SLC12A4: variants seen among roughly 807,000 people sequenced by gnomAD.
SLC12A4 encodes electroneutral potassium-chloride cotransporter 1.
Under a neutral mutation model 119.2 loss-of-function variants are expected in SLC12A4, and 84 were observed. The observed-to-expected ratio is 0.70, with a 90% CI of 0.59 to 0.85. The LOEUF (loss-of-function observed/expected upper bound fraction) is 0.85, where lower values mean the gene tolerates loss of function less well. SLC12A4 is among the 40% of genes least tolerant of loss of function. SLC12A4 has a pLI of 0.00. For missense variants in SLC12A4, 1,298 were observed against 1,476.3 expected, an observed-to-expected ratio of 0.88 and a Z score of 1.98; for synonymous variants, 599 against 604.6, an observed-to-expected ratio of 0.99 and a Z score of 0.14.
Position 67,954,616 on chromosome 16 carries a change from AGTTGGCCAGG to A in SLC12A4, c.675+17_675+26del. The A allele has an allele frequency of 1.2e-6, 2 of 1,613,854 alleles. No individual in the cohort carries two copies. The highest frequency in any genetic ancestry group is 1.7e-6 in the Non-Finnish European group (2 of 1,179,780). ...AAAGGGACTGTTTGGACATGGCCAG[AGTTGGCCAGG>A]GCTCAGCCTGACTCACCAGCAAGAT... On this transcript the variant is annotated intron_variant, in intron 6 of 23. Transcript: ENST00000316341.
intron 4 of SLC12A4, 26 bp downstream of exon 4, chr16:67,957,872 C>G (rs2030356996): frequency 3.1e-6 from 5 of 1,614,124 alleles, no homozygotes; most frequent in South Asian, 2.2e-5. Context: ...ATGCCCAGCC[C>G]AACCCTCCCA....
At chr16:67,947,851 C>T (rs546922051) in intron 14 of SLC12A4, 63 bp from the exon 15 acceptor site, 2 of 1,535,712 alleles carry the variant, frequency 1.3e-6, no homozygotes, top group East Asian at 2.4e-5. Context: ...ACAGCCTGGC[C>T]CATGCCCTGG....
chr16:67,947,517 G>C (rs2058365822), intron 15 of SLC12A4, 82 bp from the exon 16 acceptor site: 1 of 1,502,108 alleles, frequency 6.7e-7, no homozygotes, highest in African/African-American at 1.4e-5. Context: ...GAGGGGTTCT[G>C]CCCCTCAAGA....
intron 1 of SLC12A4, among the ~76,000 whole-genome samples, chr16:67,964,625 G>A (rs1025118047): frequency 1.3e-5 from 2 of 152,196 alleles, no homozygotes; most frequent in Non-Finnish European, 2.9e-5. Flanking sequence ...GATGGCAGCA[G>A]TATGTAGTTC....
In SLC12A4 at chr16:67,947,651, G is replaced by A. The variant is rs771927817; in HGVS notation, c.1967+18C>T. 9 of 1,590,876 alleles carry A rather than the reference G, an allele frequency of 5.7e-6. 1 individual carries two copies. In the South Asian group the frequency reaches 1.0e-4, roughly 18 times the overall value. On this transcript the variant is annotated intron_variant, in intron 15 of 23. Transcript: ENST00000316341. ...GGCCCCCTCAGCTGGCAGAGGCCAG[G>A]TGGCAGTGCTCACTCACCCTTGGTA...
chr16:67,946,187 AG>A lies in SLC12A4; in HGVS notation c.2590del (p.Leu864CysfsTer28). 1.2e-6 allele frequency: 2 copies of A among 1,613,934 alleles called. No homozygotes were observed. Among genetic ancestry groups the A allele is most frequent in the Non-Finnish European group, 1.7e-6 (2 of 1,180,030 alleles). On this transcript the variant is annotated frameshift_variant, in exon 19 of 24. Transcript: ENST00000316341. LOFTEE classifies it high-confidence loss of function. ...CTGGTCTACCTTATGCTGGCGCAGC[AG>A]GAAGGGCAGAAGCATGAGCATGCCA... ...DGGMLMLLPF[L>X]LRQHKVWRKC...
chr16:67,961,953 A>G (rs2030603122), intron 2 of SLC12A4, among the ~76,000 whole-genome samples: 1 of 152,228 alleles, frequency 6.6e-6, no homozygotes, highest in African/African-American at 2.4e-5. Flanking sequence ...AATCACTGCC[A>G]GCCCATTTGT....
Position 67,944,764 on chromosome 16 carries a change from G to C in SLC12A4, c.*76C>G. The stretch of plus-strand genomic sequence containing the variant: ...AGGGCTGGCAGGTGGGTGCTGGGAA[G>C]AGGCTGTTACCCCAGACCACAGCTT... On this transcript the variant is annotated 3_prime_UTR_variant, in exon 24 of 24. Transcript: ENST00000316341. The surrounding 1 kb of genome is among the most constrained non-coding windows in gnomAD (Gnocchi z 6.6). 1 of 1,560,144 alleles carries C rather than the reference G, an allele frequency of 6.4e-7. No individual in the cohort carries two copies. Among genetic ancestry groups the C allele is most frequent in the Non-Finnish European group, 8.7e-7 (1 of 1,154,964 alleles).
chr16:67,944,776 C>T lies in SLC12A4; in HGVS notation c.*64G>A. On this transcript the variant is annotated 3_prime_UTR_variant, in exon 24 of 24. Coordinates refer to ENST00000316341, the MANE Select transcript of SLC12A4 (RefSeq NM_005072.5). The surrounding 1 kb of genome is among the most constrained non-coding windows in gnomAD (Gnocchi z 6.6). The stretch of plus-strand genomic sequence containing the variant: ...TGGGTGCTGGGAAGAGGCTGTTACC[C>T]CAGACCACAGCTTGTTATGTCCTGG... 12 of 1,583,466 alleles carry T rather than the reference C, an allele frequency of 7.6e-6. No individual in the cohort carries two copies. Among genetic ancestry groups the T allele is most frequent in the Non-Finnish European group, 1.0e-5 (12 of 1,166,704 alleles).
At chr16:67,963,860 C>CG (rs1444372198) in intron 1 of SLC12A4, 56 of 1,531,676 alleles carry the variant, frequency 3.7e-5, no homozygotes, top group Non-Finnish European at 4.8e-5. Flanking sequence ...TGCAGAGGGG[C>CG]GGGGCCAGCG....
chr16:67,945,703 T>C (rs2058336127), intron 21 of SLC12A4, 61 bp downstream of exon 21: 2 of 1,541,968 alleles, frequency 1.3e-6, no homozygotes, highest in Non-Finnish European at 1.8e-6. Context: ...CACCCACCGA[T>C]GCGGTCTCCA....
Position 67,950,223 on chromosome 16 carries a change from G to A in SLC12A4, c.1629+96C>T. ...GCCGCCTGGCCCCGGGGGCCAATAA[G>A]GGCAGGACGTGCTGCATCTGTGTTC... On this transcript the variant is annotated intron_variant, in intron 12 of 23. Transcript: ENST00000316341. This position sits in a 1 kb window ranked among gnomAD's most constrained non-coding sequence, Gnocchi z 4.3. The A allele has an allele frequency of 2.8e-6, 4 of 1,450,042 alleles. No homozygotes were observed. The highest frequency in any genetic ancestry group is 3.7e-6 in the Non-Finnish European group (4 of 1,068,666). 89.8% of individuals were successfully genotyped at this position (1,450,042 alleles called of 1,614,324 possible).
chr16:67,958,985 C>A (rs1261183779), intron 3 of SLC12A4, among the ~76,000 whole-genome samples: 1 of 152,084 alleles, frequency 6.6e-6, no homozygotes, highest in Admixed American at 6.6e-5. Flanking sequence ...TATATTAGGG[C>A]AGGCTTGGCT....
At chr16:67,946,875 C>T (rs771530230) in intron 17 of SLC12A4, 62 bp downstream of exon 17, 11 of 1,541,324 alleles carry the variant, frequency 7.1e-6, no homozygotes, top group African/African-American at 1.4e-5. Flanking sequence ...CCCTCCCCTC[C>T]GTGCCAGCTG....
At position 67,947,229 on chromosome 16, in the gene SLC12A4, C is replaced by T. The variant is rs1291982641; in HGVS notation, c.2072+102G>A. ...GGTAGCATGGCCCAGGAGGGTGCCCCGGGCAGCCCCAGGATGGGGAGCCGG... is the reference window on the plus strand; with the variant it reads ...GGTAGCATGGCCCAGGAGGGTGCCCTGGGCAGCCCCAGGATGGGGAGCCGG... On this transcript the variant is annotated intron_variant, in intron 16 of 23. Transcript: ENST00000316341. The T allele has an allele frequency of 1.3e-5, 20 of 1,488,420 alleles. No individual in the cohort carries two copies. The South Asian group carries it at 1.6e-4, about 12-fold the overall frequency. 92.2% of individuals were successfully genotyped at this position (1,488,420 alleles called of 1,614,324 possible).
intron 15 of SLC12A4, 101 bp from the exon 16 acceptor site, chr16:67,947,536 G>A: frequency 2.0e-6 from 3 of 1,490,242 alleles, no homozygotes; most frequent in South Asian, 2.5e-5. Flanking sequence ...GACCACCCAG[G>A]GGTCCTGAGT....
Position 67,949,001 on chromosome 16 carries a change from G to A in SLC12A4, c.1748+799C>T, listed in dbSNP as rs554685397. Reference sequence around the variant, plus strand: ...ACAAGCAAGAAGGAGCGTCAGCCACGGAGCAGGGTGGGCGAGGACCCCAGC... The same window carrying A: ...ACAAGCAAGAAGGAGCGTCAGCCACAGAGCAGGGTGGGCGAGGACCCCAGC... On this transcript the variant is annotated intron_variant, in intron 13 of 23. Coordinates refer to ENST00000316341, the MANE Select transcript of SLC12A4 (RefSeq NM_005072.5). The surrounding 1 kb of genome is among the most constrained non-coding windows in gnomAD (Gnocchi z 4.6). Among the ~76,000 whole-genome samples the A allele has an allele frequency of 1.3e-5, 2 of 152,288 alleles. No homozygotes were observed. The highest frequency in any genetic ancestry group is 2.4e-5 in the African/African-American group (1 of 41,550).
rs1207598392 is a variant in SLC12A4, at chr16:67,945,554, C to A, written c.2848-1G>T. 6 of 1,612,872 alleles carry A rather than the reference C, an allele frequency of 3.7e-6. No individual in the cohort carries two copies. Among genetic ancestry groups the A allele is most frequent in the Non-Finnish European group, 5.1e-6 (6 of 1,179,386 alleles). On this transcript the variant is annotated splice_acceptor_variant, in intron 21 of 23. Transcript: ENST00000316341. LOFTEE classifies it high-confidence loss of function. The stretch of plus-strand genomic sequence containing the variant: ...AGTGCCGATCCTTGACCAGCTGGGC[C>A]TGAGGACAATTGCAGGAGATAGCCT...
At position 67,957,258 on chromosome 16, in the gene SLC12A4, C is replaced by G. The variant is rs574781598; in HGVS notation, c.544+484G>C. 4.6e-5 allele frequency among the ~76,000 whole-genome samples: 7 copies of G among 151,956 alleles called. No individual in the cohort carries two copies. In the South Asian group the frequency reaches 8.3e-4, roughly 18 times the overall value. On this transcript the variant is annotated intron_variant, in intron 5 of 23. Coordinates refer to ENST00000316341, the MANE Select transcript of SLC12A4 (RefSeq NM_005072.5). ...AATCTCGGCTCACCGCAAGCTCTGC[C>G]TGCCAGGTTCACGCCATTCTCCTGC... is the stretch of plus-strand genomic sequence containing the variant.
Sources: gnomAD v4.1 joint callset for allele counts (sites outside exome capture counted in the v4.1 genomes callset) on GRCh38, gnomAD v4.1.1 for gene constraint, Gnocchi (gnomAD v3.1) non-coding constraint, MANE v1.5 for transcripts, NCBI Gene and HGNC (gene_info 2026-07-23, HGNC 2026-07-21) for gene names.